Variants in PUM3 observed in about 807,000 individuals in gnomAD.
PUM3 encodes pumilio RNA binding family member 3, also known as pumilio homolog 3.
In PUM3, 91 loss-of-function variants were observed where a neutral mutation model predicts 84.0. That is an observed-to-expected ratio of 1.08 (90% CI 0.91 to 1.29). The LOEUF is 1.29. Ranked by LOEUF, PUM3 falls within the 50% of genes most tolerant of loss-of-function variation. The probability of loss-of-function intolerance (pLI) is 0.00; values close to 1 mark genes in which losing one functional copy is unlikely to be tolerated. For missense variants in PUM3, 1,067 were observed against 767.5 expected (o/e 1.39, Z -4.61); for synonymous variants, 321 against 266.7 (o/e 1.20, Z -1.98).
chr9:2,828,910 G>A, intron 8 of PUM3, 132 bp from the exon 9 acceptor site: 1 of 663,110 alleles, frequency 1.5e-6, no homozygotes, highest in Non-Finnish European at 2.6e-6. Flanking sequence ...CATAATGAAA[G>A]CTCTGCTGTA....
intron 1 of PUM3, among the ~76,000 whole-genome samples, chr9:2,839,173 A>G (rs1337693083): frequency 6.6e-6 from 1 of 152,210 alleles, no homozygotes; most frequent in African/African-American, 2.4e-5. Context: ...CTGAGACACC[A>G]TGGTGCACAG....
chr9:2,835,039 A>G (rs1199434808), intron 3 of PUM3, among the ~76,000 whole-genome samples: 1 of 151,726 alleles, frequency 6.6e-6, no homozygotes, highest in Non-Finnish European at 1.5e-5. Context: ...GAAAAGAAAA[A>G]CCCTGTAAAA....
In PUM3 at chr9:2,808,575, G is replaced by A. The variant is rs1412159639; in HGVS notation, c.1724-671C>T. On this transcript the variant is annotated intron_variant, in intron 16 of 17. Transcript: ENST00000397885. Reference sequence around the variant, plus strand: ...GGAGGTAGGGACAACCTATCTTGAAGGCAAACATCATAGTCAGGTAGCATG... The same window carrying A: ...GGAGGTAGGGACAACCTATCTTGAAAGCAAACATCATAGTCAGGTAGCATG... Among the ~76,000 whole-genome samples, 3 of 152,128 alleles carry A rather than the reference G, an allele frequency of 2.0e-5. 1 individual carries two copies. In the East Asian group the frequency reaches 5.8e-4, roughly 29 times the overall value.
Position 2,838,971 on chromosome 9 carries a change from A to G in PUM3, c.-10-454T>C, listed in dbSNP as rs145236267. 8.5e-5 allele frequency among the ~76,000 whole-genome samples: 13 copies of G among 152,360 alleles called. No homozygotes were observed. In the East Asian group the frequency reaches 2.3e-3, roughly 27 times the overall value. On this transcript the variant is annotated intron_variant, in intron 1 of 17. Coordinates refer to ENST00000397885, the MANE Select transcript of PUM3 (RefSeq NM_014878.5). ...GCATGTACCACTACATGCATTTAAT[A>G]TAAGAAAATAAAGGATTATCTGAAA...
chr9:2,843,972 A>G (rs1816339055), intron 1 of PUM3, 73 bp downstream of exon 1: 1 of 153,476 alleles, frequency 6.5e-6, no homozygotes. Flanking sequence ...GCCCCGAGAG[A>G]CCTTCCCGAC....
intron 7 of PUM3, 145 bp from the exon 8 acceptor site, chr9:2,830,093 G>A: frequency 1.6e-6 from 1 of 612,686 alleles, no homozygotes; most frequent in Non-Finnish European, 2.8e-6. Context: ...GAGAAGCTGT[G>A]GCCAGCACAT....
chr9:2,830,957 C>G lies in PUM3; in HGVS notation c.677+5G>C, dbSNP rs1815959564. 2 of 1,351,460 alleles carry G rather than the reference C, an allele frequency of 1.5e-6. No homozygotes were observed. Among genetic ancestry groups the G allele is most frequent in the East Asian group, 4.6e-5 (2 of 43,494 alleles). 83.7% of individuals were successfully genotyped at this position (1,351,460 alleles called of 1,614,324 possible). The stretch of plus-strand genomic sequence containing the variant: ...AAAATGTATTTTATACATAAAACAA[C>G]TTACCCATACATGAGAAATTTCTTA... On this transcript the variant is annotated splice_donor_5th_base_variant and intron_variant, in intron 7 of 17. Coordinates refer to ENST00000397885, the MANE Select transcript of PUM3 (RefSeq NM_014878.5).
At chr9:2,825,289 T>C (rs991453999) in intron 10 of PUM3, among the ~76,000 whole-genome samples, 1 of 152,198 alleles carries the variant, frequency 6.6e-6, no homozygotes, top group African/African-American at 2.4e-5. Flanking sequence ...AACTGGATTA[T>C]CTCCAAAAAT....
rs374005321 is a variant in PUM3 at position 2,824,828 on chromosome 9, T to C, written c.1036-13A>G. On this transcript the variant is annotated splice_polypyrimidine_tract_variant and intron_variant, in intron 10 of 17. Transcript: ENST00000397885. ...CTTCAATCATTTCCTAGGGAACAAA[T>C]GCTGTCAGGAACAGGGCTCTGCTTT... is the stretch of plus-strand genomic sequence containing the variant. 4.6e-5 allele frequency: 70 copies of C among 1,520,212 alleles called. No individual in the cohort carries two copies. The African/African-American group carries it at 8.4e-4, about 18-fold the overall frequency. The allele number at this position is 1,520,212 out of a possible 1,614,324, so 94.2% of individuals were successfully genotyped here.
intron 9 of PUM3, 105 bp from the exon 10 acceptor site, chr9:2,827,256 G>C: frequency 1.4e-6 from 1 of 708,780 alleles, no homozygotes; most frequent in Admixed American, 3.5e-5. Context: ...AAGTGAAATG[G>C]TTTTACTGAA....
chr9:2,843,769 G>T (rs536691334), intron 1 of PUM3, among the ~76,000 whole-genome samples: 113 of 151,868 alleles, frequency 7.4e-4, no homozygotes, highest in Non-Finnish European at 1.4e-3. Flanking sequence ...TAGTAGAGAC[G>T]GGGTTTCACC....
At position 2,831,328 on chromosome 9, in the gene PUM3, T is replaced by C. The variant is rs1293207541; in HGVS notation, c.533A>G (p.Asp178Gly). The C allele has an allele frequency of 1.2e-6, 2 of 1,606,496 alleles. No individual in the cohort carries two copies. Among genetic ancestry groups the C allele is most frequent in the Non-Finnish European group, 1.7e-6 (2 of 1,177,254 alleles). The change falls in exon 6 of 18, where the codon GAT becomes GGT. Residue 178 changes from aspartate to glycine, a missense_variant. Coordinates refer to ENST00000397885, the MANE Select transcript of PUM3 (RefSeq NM_014878.5). ...GTAACACTGGATCACACGAGTTGAATCGTGTGCAAATGCAATCTGCAGGAA... is the reference window on the plus strand; with the variant it reads ...GTAACACTGGATCACACGAGTTGAACCGTGTGCAAATGCAATCTGCAGGAA... ...GKIKTIAFAH[D>G]STRVIQCYIQ...
At position 2,804,393 on chromosome 9, in the gene PUM3, A is replaced by T; in HGVS notation, c.1885T>A (p.Leu629Met). The change falls in exon 18 of 18, where the codon TTG becomes ATG. Residue 629 changes from leucine (L) to methionine (M), a missense_variant. Transcript: ENST00000397885. ...TTGCTGGTGCTTTTGGTTTTTTCCA[A>T]TGTAGGAATCAAGCTTTTCAGTGCA... ...KAALKSLIPT[L>M]EKTKSTSKGI... The T allele has an allele frequency of 6.2e-7, 1 of 1,613,762 alleles. No homozygotes were observed. Among genetic ancestry groups the T allele is most frequent in the Non-Finnish European group, 8.5e-7 (1 of 1,179,918 alleles).
At position 2,810,326 on chromosome 9, in the gene PUM3, T is replaced by A. The variant is rs72694643; in HGVS notation, c.1723+18A>T. On this transcript the variant is annotated intron_variant, in intron 16 of 17. Transcript: ENST00000397885. The stretch of plus-strand genomic sequence containing the variant: ...ATTCCACATGAGATACAAGAAAAGG[T>A]CAAATTTCATAGCCTACCTTCTCTC... The A allele has an allele frequency of 0.067, 101,695 of 1,525,668 alleles. 3,997 individuals are homozygous for A. The highest frequency in any genetic ancestry group is 0.088 in the Middle Eastern group (509 of 5,806). 94.5% of individuals were successfully genotyped at this position (1,525,668 alleles called of 1,614,324 possible). A position where few individuals can be genotyped will look rare whatever the true frequency, so the allele number is the denominator to read the frequency against.
chr9:2,843,363 T>TG (rs1305832768), intron 1 of PUM3, among the ~76,000 whole-genome samples: 28 of 152,176 alleles, frequency 1.8e-4, no homozygotes, highest in African/African-American at 6.5e-4. Flanking sequence ...GACTCCACTA[T>TG]CTGCCAACTC....
intron 12 of PUM3, among the ~76,000 whole-genome samples, chr9:2,823,187 C>T (rs1426355237): frequency 6.6e-6 from 1 of 151,820 alleles, no homozygotes; most frequent in Non-Finnish European, 1.5e-5. Flanking sequence ...TAACTAAAAA[C>T]ATATAAACAC....
At position 2,834,058 on chromosome 9, in the gene PUM3, G is replaced by C. The variant is rs750924701; in HGVS notation, c.413C>G (p.Ala138Gly). ...DKTNYDIVVR[A>G]KQMWEILRRK... ...TCTTAAAATCTCCCACATCTGCTTT[G>C]CCCGAACAACAATGTCATAGTTGGT... Residue 138 changes from alanine (A) to glycine (G), a missense_variant, in exon 4 of 18, where the codon GCA (alanine) becomes GGA (glycine). Physicochemically the swap from Ala to Gly is moderately conservative, Grantham distance 60. Transcript: ENST00000397885. 14 of 1,613,324 alleles carry C rather than the reference G, an allele frequency of 8.7e-6. No homozygotes were observed. The highest frequency in any genetic ancestry group is 3.3e-4 in the Middle Eastern group (2 of 6,082).
chr9:2,837,530 A>C, intron 2 of PUM3, 129 bp from the exon 3 acceptor site: 2 of 628,838 alleles, frequency 3.2e-6, no homozygotes, highest in South Asian at 4.1e-5. Context: ...AATATGCAAC[A>C]TATAGCCTTT....
At chr9:2,837,920 A>G (rs966376234) in intron 2 of PUM3, among the ~76,000 whole-genome samples, 1 of 152,166 alleles carries the variant, frequency 6.6e-6, no homozygotes, top group African/African-American at 2.4e-5. Context: ...ATTTATCAAA[A>G]ACTTTTGATC....
Sources: gnomAD v4.1 joint callset for allele counts (sites outside exome capture counted in the v4.1 genomes callset) on GRCh38, gnomAD v4.1.1 for gene constraint, MANE v1.5 for transcripts, NCBI Gene and HGNC (gene_info 2026-07-23, HGNC 2026-07-21) for gene names.